Variants in ECPAS observed in about 807,000 individuals in gnomAD.
ECPAS encodes proteasome adapter and scaffold protein ECM29.
Under a neutral mutation model 255.1 loss-of-function variants are expected in ECPAS, and 70 were observed. The ratio of observed to expected loss-of-function variants is 0.27; its 90% CI spans 0.23 to 0.33. The LOEUF (loss-of-function observed/expected upper bound fraction) is 0.33. Among genes scored for constraint, ECPAS ranks in the 10% least tolerant of loss-of-function variants. The pLI is 1.00. For missense variants in ECPAS, 1,817 were observed against 2,206.4 expected, an observed-to-expected ratio of 0.82 and a Z score of 3.54; for synonymous variants, 784 against 775.0, an observed-to-expected ratio of 1.01 and a Z score of -0.19.
intron 31 of ECPAS, among the ~76,000 whole-genome samples, chr9:111,388,769 A>G (rs1226471374): frequency 6.6e-6 from 1 of 152,194 alleles, no homozygotes; most frequent in African/African-American, 2.4e-5. Context: ...AGAATTTGCT[A>G]CTAGATTCAA....
chr9:111,459,943 A>T (rs1027521360), intron 2 of ECPAS, among the ~76,000 whole-genome samples: 3 of 152,230 alleles, frequency 2.0e-5, no homozygotes, highest in African/African-American at 4.8e-5. Flanking sequence ...CTGAATGTTA[A>T]GAGGCCAGAA....
At chr9:111,476,419 T>C (rs541202666) in intron 1 of ECPAS, among the ~76,000 whole-genome samples, 2 of 152,284 alleles carry the variant, frequency 1.3e-5, no homozygotes, top group East Asian at 3.9e-4. Flanking sequence ...GCAATAGTTA[T>C]AATCACTCTA....
intron 10 of ECPAS, 96 bp downstream of exon 10, chr9:111,427,946 C>T: frequency 9.6e-7 from 1 of 1,043,786 alleles, no homozygotes; most frequent in Non-Finnish European, 1.3e-6. Context: ...TATACATCAA[C>T]CTACCCACTG....
intron 4 of ECPAS, 140 bp from the exon 5 acceptor site, chr9:111,442,564 G>A (rs2098247372): frequency 1.6e-6 from 1 of 607,540 alleles, no homozygotes; most frequent in African/African-American, 1.9e-5. Flanking sequence ...CACGTTTATT[G>A]CACCTTTACC....
At position 111,393,711 on chromosome 9, in the gene ECPAS, A is replaced by G. The variant is rs2098163601; in HGVS notation, c.2946T>C (p.Ser982=). 11 of 1,589,080 alleles carry G rather than the reference A, an allele frequency of 6.9e-6. No individual in the cohort carries two copies. Among genetic ancestry groups the G allele is most frequent in the Non-Finnish European group, 9.5e-6 (11 of 1,158,552 alleles). The part of the protein sequence containing the change: ...EVKSHLKEIQ[S]AFVSVLSEND... ...TTTCTGATAGAACTGAAACAAATGC[A>G]CTTTGAATTTCTTTAAGATGAGACT... The change falls in exon 27 of 50, where the codon AGT becomes AGC. Residue 982 remains serine (S), a synonymous_variant. Coordinates refer to ENST00000684092, the MANE Select transcript of ECPAS (RefSeq NM_001364929.1).
chr9:111,394,288 C>G lies in ECPAS; in HGVS notation c.2794G>C (p.Val932Leu), dbSNP rs776160507. The G allele has an allele frequency of 6.5e-7, 1 of 1,543,468 alleles. No homozygotes were observed. The highest frequency in any genetic ancestry group is 2.4e-5 in the East Asian group (1 of 42,110). ...ATCACATCCAACACCCATGGAACCA[C>G]ATCATTCACTTTGGCTCCTGGGGAA... ...TPPAGAKVND[V>L]VPWVLDVILN... Residue 932 changes from valine (V) to leucine (L), a missense_variant, in exon 26 of 50, where the codon GTG (valine) becomes CTG (leucine). Val to Leu is a conservative substitution (Grantham distance 32). Transcript: ENST00000684092.
chr9:111,469,509 G>A (rs1229397655), intron 2 of ECPAS, among the ~76,000 whole-genome samples: 2 of 151,622 alleles, frequency 1.3e-5, no homozygotes, highest in East Asian at 1.9e-4. Context: ...TAGCCCAGGC[G>A]ACAGTACGAG....
At position 111,369,032 on chromosome 9, in the gene ECPAS, T is replaced by C. The variant is rs2098124125; in HGVS notation, c.5113+3A>G. On this transcript the variant is annotated splice_donor_region_variant and intron_variant, in intron 46 of 49. Transcript: ENST00000684092. ...CACTTCAAATGCAGTTTCTGGTGCT[T>C]ACGTTGGGTCTCCGCGTTTCGCGGC... 1 of 1,568,198 alleles carries C rather than the reference T, an allele frequency of 6.4e-7. No individual in the cohort carries two copies. The highest frequency in any genetic ancestry group is 1.4e-5 in the African/African-American group (1 of 71,872).
intron 48 of ECPAS, among the ~76,000 whole-genome samples, chr9:111,365,214 G>A (rs756671680): frequency 5.9e-5 from 9 of 152,018 alleles, no homozygotes; most frequent in Non-Finnish European, 1.0e-4. Flanking sequence ...GAGTTGCAGT[G>A]AGCCAAGATC....
intron 46 of ECPAS, among the ~76,000 whole-genome samples, chr9:111,366,892 C>T (rs2131474627): frequency 6.6e-6 from 1 of 152,242 alleles, no homozygotes. Flanking sequence ...AGAAACTGCC[C>T]CCACAAAGGT....
chr9:111,415,255 GAGAGAGAGAAAGAC>G (rs1206898796), intron 18 of ECPAS, among the ~76,000 whole-genome samples: 1 of 151,650 alleles, frequency 6.6e-6, no homozygotes, highest in East Asian at 1.9e-4. Flanking sequence ...GTGTGTGTGA[GAGAGAGAGAAAGAC>G]AGAGAGAGAG....
intron 1 of ECPAS, among the ~76,000 whole-genome samples, chr9:111,473,722 T>A (rs2098292423): frequency 6.6e-6 from 1 of 152,162 alleles, no homozygotes; most frequent in Admixed American, 6.5e-5. Context: ...ATCCCAGCAC[T>A]CTGAGAGGCC....
chr9:111,378,483 G>A, intron 36 of ECPAS, 97 bp downstream of exon 36: 1 of 1,271,222 alleles, frequency 7.9e-7, no homozygotes, highest in Non-Finnish European at 1.1e-6. Flanking sequence ...GGTGAGTTCT[G>A]GTAACAGTAG....
At chr9:111,438,154 C>A (rs2098240735) in intron 6 of ECPAS, among the ~76,000 whole-genome samples, 1 of 152,210 alleles carries the variant, frequency 6.6e-6, no homozygotes, top group Admixed American at 6.5e-5. Context: ...TTGGTTACAT[C>A]ATGTTCCTAA....
At chr9:111,425,548 T>C (rs1173616886) in intron 11 of ECPAS, 52 bp from the exon 12 acceptor site, 6 of 1,273,436 alleles carry the variant, frequency 4.7e-6, no homozygotes, top group Non-Finnish European at 5.5e-6. Context: ...CATGACTACA[T>C]ATCTTTACGG....
chr9:111,394,554 T>A (rs1473554769), intron 25 of ECPAS, among the ~76,000 whole-genome samples: 1 of 152,182 alleles, frequency 6.6e-6, no homozygotes, highest in Non-Finnish European at 1.5e-5. Context: ...CCCTAATCTC[T>A]CTAGTGTCAG....
chr9:111,402,534 C>T (rs907243021), intron 24 of ECPAS, among the ~76,000 whole-genome samples: 2 of 152,122 alleles, frequency 1.3e-5, no homozygotes, highest in African/African-American at 4.8e-5. Flanking sequence ...AGAGTATCTT[C>T]AGTATCCTTA....
intron 28 of ECPAS, 149 bp downstream of exon 28, chr9:111,392,619 C>A: frequency 1.7e-6 from 1 of 595,934 alleles, no homozygotes; most frequent in Non-Finnish European, 3.0e-6. Flanking sequence ...ATTGTGCTAT[C>A]CACAGCACAA....
chr9:111,407,574 T>G (rs1341530391), intron 24 of ECPAS, among the ~76,000 whole-genome samples: 2 of 151,998 alleles, frequency 1.3e-5, no homozygotes, highest in African/African-American at 4.8e-5. Context: ...AAATTCACTT[T>G]AAAAATACTG....
Sources: allele counts gnomAD v4.1 joint callset (sites outside exome capture counted in the v4.1 genomes callset), GRCh38; gene constraint gnomAD v4.1.1; transcripts MANE v1.5; gene names NCBI Gene and HGNC (gene_info 2026-07-23, HGNC 2026-07-21).